ZFPM1: variants seen among roughly 807,000 people sequenced by gnomAD.
ZFPM1 encodes the protein zinc finger protein ZFPM1.
In ZFPM1, 28 loss-of-function variants were observed where a neutral mutation model predicts 46.3. The ratio of observed to expected loss-of-function variants is 0.60; its 90% CI spans 0.45 to 0.83. The LOEUF is 0.83. ZFPM1 is among the 40% of genes least tolerant of loss of function. The probability of loss-of-function intolerance (pLI) is 0.00; values close to 1 mark genes in which losing one functional copy is unlikely to be tolerated. For synonymous variants in ZFPM1, 957 were observed against 675.9 expected, an observed-to-expected ratio of 1.42 and a Z score of -6.45; for missense variants, 1,878 against 1,432.4, an observed-to-expected ratio of 1.31 and a Z score of -5.02.
At chr16:88,503,664 C>CA (rs1910501023) in intron 3 of ZFPM1, among the ~76,000 whole-genome samples, 1 of 152,204 alleles carries the variant, frequency 6.6e-6, no homozygotes, top group African/African-American at 2.4e-5. Context: ...TGGCAGCACC[C>CA]TCTGTGGCTT....
rs1039871215 is a variant in ZFPM1, at chr16:88,453,593, C to T, written c.-46C>T. The T allele has an allele frequency of 1.0e-6, 1 of 999,258 alleles. No individual in the cohort carries two copies. Among genetic ancestry groups the T allele is most frequent in the Non-Finnish European group, 1.2e-6 (1 of 836,658 alleles). 61.9% of individuals were successfully genotyped at this position (999,258 alleles called of 1,614,324 possible). A position where few individuals can be genotyped will look rare whatever the true frequency, so the allele number is the denominator to read the frequency against. On this transcript the variant is annotated 5_prime_UTR_variant, in exon 1 of 10. Transcript: ENST00000319555. The stretch of plus-strand genomic sequence containing the variant: ...CGCCCCCGCCGCCCGCCGCCGCCCG[C>T]CCGGGGCTAGAGGCGGCCGCCGGGA...
upstream of ZFPM1, among the ~76,000 whole-genome samples, chr16:88,452,223 C>T (rs1007401208): frequency 1.3e-5 from 2 of 152,190 alleles, no homozygotes; most frequent in Non-Finnish European, 2.9e-5. Flanking sequence ...CCCCCCAATG[C>T]GTGACCTTGA....
rs1279275597 is a variant in ZFPM1, at chr16:88,533,988, A to G, written c.2030A>G (p.Glu677Gly). 1.5e-6 allele frequency: 2 copies of G among 1,354,286 alleles called. No homozygotes were observed. Among genetic ancestry groups the G allele is most frequent in the Non-Finnish European group, 1.9e-6 (2 of 1,037,008 alleles). The allele number at this position is 1,354,286 out of a possible 1,614,324, so 83.9% of individuals were successfully genotyped here. ...QSPGSSVDDA[E>G]DDPSRTLCEA... ...CCGGGTAGCTCCGTGGACGACGCGGAGGACGACCCCAGCCGCACGCTGTGC... is the reference window on the plus strand; with the variant it reads ...CCGGGTAGCTCCGTGGACGACGCGGGGGACGACCCCAGCCGCACGCTGTGC... The change falls in exon 10 of 10, where the codon GAG becomes GGG. Residue 677 changes from glutamate to glycine, a missense_variant. Glu to Gly is a moderately conservative substitution (Grantham distance 98). Coordinates refer to ENST00000319555, the MANE Select transcript of ZFPM1 (RefSeq NM_153813.3).
In ZFPM1 at chr16:88,534,227, C is replaced by T. The variant is rs1913076470; in HGVS notation, c.2269C>T (p.Pro757Ser). Reference sequence around the variant, plus strand: ...GCTGCACGCGGCCGGCGCCCCGCCCCCCCCGCCGCCCGGCCACGCCCCCGC... The same window carrying T: ...GCTGCACGCGGCCGGCGCCCCGCCCTCCCCGCCGCCCGGCCACGCCCCCGC... ...YELHAAGAPP[P>S]PPPGHAPAPE... The change falls in exon 10 of 10, where the codon CCC becomes TCC. Residue 757 changes from proline to serine, a missense_variant. Coordinates refer to ENST00000319555, the MANE Select transcript of ZFPM1 (RefSeq NM_153813.3). 3.0e-6 allele frequency: 3 copies of T among 984,688 alleles called. No homozygotes were observed. Among genetic ancestry groups the T allele is most frequent in the African/African-American group, 1.8e-5 (1 of 56,518 alleles). 61.0% of individuals were successfully genotyped at this position (984,688 alleles called of 1,614,324 possible). A position where few individuals can be genotyped will look rare whatever the true frequency, so the allele number is the denominator to read the frequency against.
intron 2 of ZFPM1, among the ~76,000 whole-genome samples, chr16:88,487,567 C>A (rs753399528): frequency 3.3e-5 from 5 of 152,002 alleles, no homozygotes; most frequent in Non-Finnish European, 7.4e-5. Context: ...GGTCTGCAGC[C>A]GAGGGGCTGG....
chr16:88,534,021 G>T lies in ZFPM1; in HGVS notation c.2063G>T (p.Cys688Phe). The T allele has an allele frequency of 2.2e-6, 3 of 1,347,084 alleles. No individual in the cohort carries two copies. The highest frequency in any genetic ancestry group is 1.2e-5 in the South Asian group (1 of 81,282). The allele number at this position is 1,347,084 out of a possible 1,614,324, so 83.4% of individuals were successfully genotyped here. ...CCCAGCCGCACGCTGTGCGAGGCCTGCAACATCCGCTTCAGCCGCCACGAG... is the reference window on the plus strand; with the variant it reads ...CCCAGCCGCACGCTGTGCGAGGCCTTCAACATCCGCTTCAGCCGCCACGAG... The part of the protein sequence containing the change: ...DDPSRTLCEA[C>F]NIRFSRHETY... Residue 688 changes from cysteine (C) to phenylalanine (F), a missense_variant, in exon 10 of 10, where the codon TGC (cysteine) becomes TTC (phenylalanine). Transcript: ENST00000319555.
Position 88,524,444 on chromosome 16 carries a change from G to A in ZFPM1, c.403-2370G>A, listed in dbSNP as rs541434049. Among the ~76,000 whole-genome samples the A allele has an allele frequency of 5.0e-4, 76 of 152,304 alleles. 1 individual carries two copies. The highest frequency in any genetic ancestry group is 1.4e-3 in the African/African-American group (59 of 41,560). On this transcript the variant is annotated intron_variant, in intron 4 of 9. Transcript: ENST00000319555. Reference sequence around the variant, plus strand: ...CCTGCTCTGCGGCCCTGGGAATCACGGGGGTGTCCTTTAAAAGGGGGGCAC... The same window carrying A: ...CCTGCTCTGCGGCCCTGGGAATCACAGGGGTGTCCTTTAAAAGGGGGGCAC...
At position 88,523,132 on chromosome 16, in the gene ZFPM1, G is replaced by A. The variant is rs143308556; in HGVS notation, c.403-3682G>A. 3.1e-3 allele frequency among the ~76,000 whole-genome samples: 467 copies of A among 151,974 alleles called. 1 individual carries two copies. The highest frequency in any genetic ancestry group is 0.011 in the African/African-American group (437 of 41,456). Reference sequence around the variant, plus strand: ...GAGGCAGGAGAATTGCTTGAACCCCGGAGGTGGAGGTTGCAGTGAGCCGAG... The same window carrying A: ...GAGGCAGGAGAATTGCTTGAACCCCAGAGGTGGAGGTTGCAGTGAGCCGAG... On this transcript the variant is annotated intron_variant, in intron 4 of 9. Transcript: ENST00000319555.
intron 2 of ZFPM1, among the ~76,000 whole-genome samples, chr16:88,488,308 C>T (rs115294979): frequency 2.6e-3 from 395 of 152,174 alleles, no homozygotes; most frequent in African/African-American, 8.9e-3. Context: ...GGGTGGGGCC[C>T]GGGAAGGAGC....
intron 3 of ZFPM1, among the ~76,000 whole-genome samples, chr16:88,512,209 G>A (rs890770697): frequency 1.3e-5 from 2 of 152,222 alleles, no homozygotes; most frequent in Non-Finnish European, 2.9e-5. Context: ...GCCGGGTAGG[G>A]TGGGCACCAG....
rs144543919 is a variant in ZFPM1 at position 88,508,166 on chromosome 16, G to A, written c.269-6221G>A. Among the ~76,000 whole-genome samples the A allele has an allele frequency of 7.2e-3, 1,095 of 152,130 alleles. 13 individuals carry two copies. The highest frequency in any genetic ancestry group is 0.024 in the African/African-American group (1,005 of 41,492). On this transcript the variant is annotated intron_variant, in intron 3 of 9. Coordinates refer to ENST00000319555, the MANE Select transcript of ZFPM1 (RefSeq NM_153813.3). ...ACAAAAATTAACCGGGTGCGGTGGCGCGCACCTGTACTCCCAGCTACTCAG... is the reference window on the plus strand; with the variant it reads ...ACAAAAATTAACCGGGTGCGGTGGCACGCACCTGTACTCCCAGCTACTCAG...
At chr16:88,513,650 G>T (rs1028257118) in intron 3 of ZFPM1, among the ~76,000 whole-genome samples, 1 of 152,242 alleles carries the variant, frequency 6.6e-6, no homozygotes, top group African/African-American at 2.4e-5. Flanking sequence ...GTGGCCAGGT[G>T]TGTGTGTGTC....
chr16:88,463,975 G>A (rs1310304126), intron 1 of ZFPM1, among the ~76,000 whole-genome samples: 2 of 152,202 alleles, frequency 1.3e-5, no homozygotes, highest in Non-Finnish European at 2.9e-5. Flanking sequence ...GCCAGCCCTG[G>A]GCACTTCCAG....
chr16:88,455,359 C>G (rs1907497049), intron 1 of ZFPM1, among the ~76,000 whole-genome samples: 1 of 152,142 alleles, frequency 6.6e-6, no homozygotes, highest in South Asian at 2.1e-4. Context: ...CACCGCGGCC[C>G]ATCCTCGTTG....
Position 88,533,568 on chromosome 16 carries a change from C to T in ZFPM1, c.1610C>T (p.Pro537Leu), listed in dbSNP as rs753797623. The change falls in exon 10 of 10, where the codon CCC becomes CTC. Residue 537 changes from proline to leucine, a missense_variant. Transcript: ENST00000319555. ...TACGTGTTCGGGCCCGACGCGGCGC[C>T]CCCCGCCTCGGAGATCCTGGCCAAG... ...PQYVFGPDAAPPASEILAKMS... is the reference protein window; with the variant it reads ...PQYVFGPDAALPASEILAKMS... 1.2e-5 allele frequency: 18 copies of T among 1,494,748 alleles called. No homozygotes were observed. Among genetic ancestry groups the T allele is most frequent in the Non-Finnish European group, 1.6e-5 (18 of 1,123,300 alleles). The allele number at this position is 1,494,748 out of a possible 1,614,324, so 92.6% of individuals were successfully genotyped here. A position where few individuals can be genotyped will look rare whatever the true frequency, so the allele number is the denominator to read the frequency against.
intron 2 of ZFPM1, among the ~76,000 whole-genome samples, chr16:88,486,831 G>T (rs1203399029): frequency 6.6e-6 from 1 of 151,570 alleles, no homozygotes; most frequent in Non-Finnish European, 1.5e-5. Flanking sequence ...GGTGCTGGGT[G>T]CACAGTGGAT....
At chr16:88,527,849 G>T (rs985338730) in intron 5 of ZFPM1, among the ~76,000 whole-genome samples, 183 bp from the exon 6 acceptor site, 1 of 150,948 alleles carries the variant, frequency 6.6e-6, no homozygotes, top group Non-Finnish European at 1.5e-5. Context: ...AGGCAGGCAG[G>T]CTGTGAGCAC....
intron 2 of ZFPM1, 109 bp from the exon 3 acceptor site, chr16:88,488,922 G>T: frequency 1.3e-6 from 2 of 1,482,460 alleles, no homozygotes; most frequent in Non-Finnish European, 1.8e-6. Flanking sequence ...CTCTGGGCCC[G>T]AGCTCCCCAA....
intron 1 of ZFPM1, among the ~76,000 whole-genome samples, chr16:88,461,067 C>CGGGAGGCCCTGGTGAGGACCG (rs1907830487): frequency 1.5e-5 from 1 of 66,922 alleles, no homozygotes; most frequent in Non-Finnish European, 2.6e-5. Context: ...GGTGAGGACC[C>CGGGAGGCCCTGGTGAGGACCG]AGGGGCAGAA....
Sources: gnomAD v4.1 joint callset for allele counts (sites outside exome capture counted in the v4.1 genomes callset) on GRCh38, gnomAD v4.1.1 for gene constraint, MANE v1.5 for transcripts, NCBI Gene and HGNC (gene_info 2026-07-23, HGNC 2026-07-21) for gene names.